The following CARF variants were observed in gnomAD, a reference collection of about 807,000 sequenced individuals.
The protein encoded by CARF is calcium-responsive transcription factor.
In CARF, 57 loss-of-function variants were observed where a neutral mutation model predicts 82.0. That is an observed-to-expected ratio of 0.70 (90% CI 0.56 to 0.87). The LOEUF (loss-of-function observed/expected upper bound fraction) is 0.87, where lower values mean the gene tolerates loss of function less well. CARF is among the 40% of genes least tolerant of loss of function. The probability of loss-of-function intolerance (pLI) is 0.00; values close to 1 mark genes in which losing one functional copy is unlikely to be tolerated. For missense variants in CARF, 771 were observed against 855.8 expected (o/e 0.90, Z 1.24); for synonymous variants, 268 against 290.1 (o/e 0.92, Z 0.77).
intron 3 of CARF, among the ~76,000 whole-genome samples, chr2:202,939,044 T>A (rs778917534): frequency 6.6e-6 from 1 of 152,228 alleles, no homozygotes; most frequent in Non-Finnish European, 1.5e-5. Context: ...GGTGTTTTTA[T>A]GGTCTGTCTT....
At position 202,980,616 on chromosome 2, in the gene CARF, G is replaced by GTATATATATATA. The variant is rs34656288; in HGVS notation, c.1559-904_1559-893dup. On this transcript the variant is annotated intron_variant, in intron 14 of 16. Transcript: ENST00000438828. Reference sequence around the variant, plus strand: ...GAGTTACAGATATAGCGTCTTTCAAGTATATATATATATATATATATATAT... The same window carrying GTATATATATATA: ...GAGTTACAGATATAGCGTCTTTCAAGTATATATATATATATATATATATATATATATATATAT... Among the ~76,000 whole-genome samples the GTATATATATATA allele has an allele frequency of 4.7e-3, 201 of 42,446 alleles. 15 individuals are homozygous for GTATATATATATA. The highest frequency in any genetic ancestry group is 5.9e-3 in the Non-Finnish European group (136 of 22,888). The allele number at this position is 42,446 out of a possible 152,430, so 27.8% of individuals were successfully genotyped here.
At chr2:202,927,745 A>G (rs1692123615) in intron 3 of CARF, among the ~76,000 whole-genome samples, 1 of 151,782 alleles carries the variant, frequency 6.6e-6, no homozygotes, top group East Asian at 1.9e-4. Context: ...ATTGTTAATT[A>G]TAGTCACCCT....
intron 9 of CARF, 160 bp downstream of exon 9, chr2:202,961,586 T>A: frequency 1.6e-6 from 1 of 619,750 alleles, no homozygotes. Flanking sequence ...ATAGAAAATA[T>A]AATCAATTAC....
chr2:202,975,376 G>A lies in CARF; in HGVS notation c.1494+880G>A, dbSNP rs888413479. The stretch of plus-strand genomic sequence containing the variant: ...GGAGAATGGTGTGAACCCGGGAGGC[G>A]GAGCTTGCGGTGAGCCAAGATCGTG... On this transcript the variant is annotated intron_variant, in intron 13 of 16. Transcript: ENST00000438828. 9.9e-5 allele frequency among the ~76,000 whole-genome samples: 15 copies of A among 152,260 alleles called. 1 individual carries two copies. In the South Asian group the frequency reaches 1.7e-3, roughly 17 times the overall value.
chr2:202,964,883 GTATA>G (rs150006525), intron 9 of CARF, among the ~76,000 whole-genome samples: 26 of 144,944 alleles, frequency 1.8e-4, no homozygotes, highest in African/African-American at 6.0e-4. Context: ...ACATATATGT[GTATA>G]TATATATATA....
intron 2 of CARF, among the ~76,000 whole-genome samples, chr2:202,922,560 T>C (rs1202409945): frequency 6.6e-6 from 1 of 152,196 alleles, no homozygotes; most frequent in Non-Finnish European, 1.5e-5. Context: ...CCCAGCACTT[T>C]GGGAAGCCAA....
In CARF at chr2:202,925,457, G is replaced by A. The variant is rs1172927358; in HGVS notation, c.-44+1042G>A. On this transcript the variant is annotated intron_variant, in intron 3 of 16. Transcript: ENST00000438828. ...CAGTATGAGGAGATCACCAGCTGCA[G>A]CTGAGCTGAAACTGAAAGCATGTAC... The A allele has an allele frequency of 7.5e-5, 21 of 279,828 alleles. No homozygotes were observed. In the Admixed American group the frequency reaches 8.3e-4, roughly 11 times the overall value. 17.3% of individuals were successfully genotyped at this position (279,828 alleles called of 1,614,324 possible).
In CARF at chr2:202,983,763, T is replaced by C; in HGVS notation, c.*139T>C. On this transcript the variant is annotated 3_prime_UTR_variant, in exon 17 of 17. Coordinates refer to ENST00000438828, the MANE Select transcript of CARF (RefSeq NM_024744.17). ...GAGAAGCTTTTATTTAAAACTGATATATTTGTTGCCAGTTCCATATTTTTA... is the reference window on the plus strand; with the variant it reads ...GAGAAGCTTTTATTTAAAACTGATACATTTGTTGCCAGTTCCATATTTTTA... 1 of 632,186 alleles carries C rather than the reference T, an allele frequency of 1.6e-6. No individual in the cohort carries two copies. The highest frequency in any genetic ancestry group is 1.8e-5 in the South Asian group (1 of 54,064). 39.2% of individuals were successfully genotyped at this position (632,186 alleles called of 1,614,324 possible).
intron 2 of CARF, among the ~76,000 whole-genome samples, chr2:202,920,557 T>G (rs1280613695): frequency 1.3e-5 from 2 of 152,140 alleles, no homozygotes; most frequent in Non-Finnish European, 2.9e-5. Flanking sequence ...GATGTCATCA[T>G]GTTTAGACAG....
At chr2:202,937,210 A>G (rs1355645382) in intron 3 of CARF, among the ~76,000 whole-genome samples, 2 of 152,150 alleles carry the variant, frequency 1.3e-5, no homozygotes, top group Non-Finnish European at 2.9e-5. Flanking sequence ...TATTGTGCAT[A>G]TTATCATTGC....
At position 202,980,661 on chromosome 2, in the gene CARF, T is replaced by TATATAC. The variant is rs1309966072; in HGVS notation, c.1559-893_1559-892insTATACA. 3.8e-4 allele frequency among the ~76,000 whole-genome samples: 48 copies of TATATAC among 125,422 alleles called. 1 individual carries two copies. The highest frequency in any genetic ancestry group is 1.4e-3 in the African/African-American group (45 of 32,378). 82.3% of individuals were successfully genotyped at this position (125,422 alleles called of 152,430 possible). ...ATATATATATATATATATATATATA[T>TATATAC]AGTTGTGCCTCTGTATCTATGGGTT... On this transcript the variant is annotated intron_variant, in intron 14 of 16. Coordinates refer to ENST00000438828, the MANE Select transcript of CARF (RefSeq NM_024744.17).
Position 202,987,461 on chromosome 2 carries a change from G to C in CARF, c.*3837G>C, listed in dbSNP as rs1255305962. 6.6e-6 allele frequency among the ~76,000 whole-genome samples: 1 copy of C among 151,882 alleles called. No individual in the cohort carries two copies. Among genetic ancestry groups the C allele is most frequent in the Non-Finnish European group, 1.5e-5 (1 of 67,956 alleles). ...TGCATTGGTTCTTCTCCATCAGCTG[G>C]CTTAGACATCAAACATCTTAAATGA... On this transcript the variant is annotated 3_prime_UTR_variant, in exon 17 of 17. Coordinates refer to ENST00000438828, the MANE Select transcript of CARF (RefSeq NM_024744.17).
At chr2:202,919,801 A>G (rs962457542) in intron 2 of CARF, among the ~76,000 whole-genome samples, 2 of 152,234 alleles carry the variant, frequency 1.3e-5, no homozygotes, top group African/African-American at 4.8e-5. Flanking sequence ...AAACACATGT[A>G]GGTTTGAGTT....
At position 202,988,185 on chromosome 2, in the gene CARF, ATT is replaced by A. The variant is rs1215140760; in HGVS notation, c.*4563_*4564del. Among the ~76,000 whole-genome samples, 1 of 152,144 alleles carries A rather than the reference ATT, an allele frequency of 6.6e-6. No homozygotes were observed. Among genetic ancestry groups the A allele is most frequent in the Non-Finnish European group, 1.5e-5 (1 of 68,022 alleles). On this transcript the variant is annotated 3_prime_UTR_variant, in exon 17 of 17. Transcript: ENST00000438828. The stretch of plus-strand genomic sequence containing the variant: ...AGAACTGCATTTTATGAATATATCA[ATT>A]TGTTTATTCTTTTGATGATGGACAT...
chr2:202,927,748 G>T (rs1196463600), intron 3 of CARF, among the ~76,000 whole-genome samples: 1 of 150,700 alleles, frequency 6.6e-6, no homozygotes, highest in East Asian at 1.9e-4. Context: ...GTTAATTATA[G>T]TCACCCTATA....
Position 202,923,335 on chromosome 2 carries a change from G to T in CARF, c.-162-962G>T, listed in dbSNP as rs528247164. The stretch of plus-strand genomic sequence containing the variant: ...GCGGTAGCTCTCCTGTACACCAACA[G>T]CAGCCAAGCTGAGAGTGAAATCAAG... On this transcript the variant is annotated intron_variant, in intron 2 of 16. Coordinates refer to ENST00000438828, the MANE Select transcript of CARF (RefSeq NM_024744.17). Among the ~76,000 whole-genome samples the T allele has an allele frequency of 3.2e-4, 49 of 152,318 alleles. 1 individual carries two copies. Among genetic ancestry groups the T allele is most frequent in the African/African-American group, 1.1e-3 (44 of 41,568 alleles).
chr2:202,973,665 A>G (rs2059901395), intron 12 of CARF: 2 of 267,956 alleles, frequency 7.5e-6, no homozygotes, highest in African/African-American at 4.6e-5. Context: ...TGATAATTGT[A>G]CGTATGTCGT....
intron 6 of CARF, among the ~76,000 whole-genome samples, chr2:202,953,475 A>G (rs184106947): frequency 1.8e-5 from 2 of 109,518 alleles, no homozygotes; most frequent in African/African-American, 6.8e-5. Context: ...GTTTGGTAAT[A>G]TGCCTATTAC....
intron 9 of CARF, chr2:202,961,830 A>G: frequency 8.2e-6 from 2 of 244,086 alleles, no homozygotes; most frequent in Non-Finnish European, 1.6e-5. Context: ...GTAGCTTGTA[A>G]CTCTGGAGTT....
Sources: allele counts gnomAD v4.1 joint callset (sites outside exome capture counted in the v4.1 genomes callset), GRCh38; gene constraint gnomAD v4.1.1; transcripts MANE v1.5; gene names NCBI Gene and HGNC (gene_info 2026-07-23, HGNC 2026-07-21).